GPD1: variants seen among roughly 807,000 people sequenced by gnomAD.
GPD1 encodes glycerol-3-phosphate dehydrogenase [NAD(+)], cytoplasmic.
In GPD1, 19 loss-of-function variants were observed where a neutral mutation model predicts 34.4. The observed-to-expected ratio is 0.55, with a 90% CI of 0.39 to 0.81. The LOEUF (loss-of-function observed/expected upper bound fraction) is 0.81, where lower values mean the gene tolerates loss of function less well. GPD1 is among the 30% of genes least tolerant of loss of function. The probability of loss-of-function intolerance (pLI) is 0.00; values close to 1 mark genes in which losing one functional copy is unlikely to be tolerated. For missense variants in GPD1, 429 were observed against 447.0 expected, an observed-to-expected ratio of 0.96 and a Z score of 0.36; for synonymous variants, 172 against 174.1, an observed-to-expected ratio of 0.99 and a Z score of 0.09.
intron 1 of GPD1, 119 bp from the exon 2 acceptor site, chr12:50,104,451 TAAGG>T (rs1185599609): frequency 1.3e-6 from 1 of 779,720 alleles, no homozygotes; most frequent in Non-Finnish European, 2.3e-6. Flanking sequence ...GTGGAGGTGA[TAAGG>T]AAGGTAGGTA....
chr12:50,106,496 C>T, intron 4 of GPD1, 70 bp downstream of exon 4: 3 of 1,363,162 alleles, frequency 2.2e-6, no homozygotes, highest in South Asian at 1.2e-5. Context: ...GCCCCAACCC[C>T]ACTTAGCCAT....
At chr12:50,108,785 C>T (rs1951001093) in intron 7 of GPD1, among the ~76,000 whole-genome samples, 1 of 152,152 alleles carries the variant, frequency 6.6e-6, no homozygotes, top group Admixed American at 6.6e-5. Flanking sequence ...CACAATCATT[C>T]CTTTGTTATA....
rs1240651049 is a variant in GPD1, at chr12:50,104,072, A to G, written c.22A>G (p.Ile8Val). The G allele has an allele frequency of 7.4e-6, 12 of 1,613,946 alleles. No individual in the cohort carries two copies. Among genetic ancestry groups the G allele is most frequent in the South Asian group, 1.1e-5 (1 of 91,090 alleles). The change falls in exon 1 of 8, where the codon ATT becomes GTT. Residue 8 changes from isoleucine (I) to valine (V), a missense_variant. Transcript: ENST00000301149. ...CACCATGGCTAGCAAGAAAGTCTGC[A>G]TTGTAGGCTCCGGGAACTGGTAAGC... is the stretch of plus-strand genomic sequence containing the variant. MASKKVCIVGSGNWGSAI... is the reference protein window; with the variant it reads MASKKVCVVGSGNWGSAI...
intron 7 of GPD1, 66 bp downstream of exon 7, chr12:50,108,196 A>G (rs1237939456): frequency 6.8e-6 from 6 of 880,126 alleles, no homozygotes; most frequent in Non-Finnish European, 1.1e-5. Context: ...CCTGTTCATC[A>G]TCTTCCTAAA....
chr12:50,104,230 A>G, intron 1 of GPD1, 139 bp downstream of exon 1: 4 of 868,376 alleles, frequency 4.6e-6, no homozygotes, highest in Non-Finnish European at 7.7e-6. Context: ...AGCACAGGAC[A>G]GACGGTGCCC....
chr12:50,107,911 C>A, intron 6 of GPD1, 111 bp downstream of exon 6: 1 of 1,015,672 alleles, frequency 9.8e-7, no homozygotes, highest in Non-Finnish European at 1.5e-6. Flanking sequence ...TGTGCACATC[C>A]CCATCCCTCT....
chr12:50,104,460 T>C (rs1565746321), intron 1 of GPD1, 114 bp from the exon 2 acceptor site: 2 of 809,870 alleles, frequency 2.5e-6, no homozygotes, highest in Non-Finnish European at 4.4e-6. Context: ...ATAAGGAAGG[T>C]AGGTAGGAGT....
At position 50,108,150 on chromosome 12, in the gene GPD1, C is replaced by G. The variant is rs1025395727; in HGVS notation, c.953+20C>G. On this transcript the variant is annotated intron_variant, in intron 7 of 7. Coordinates refer to ENST00000301149, the MANE Select transcript of GPD1 (RefSeq NM_005276.4). Reference sequence around the variant, plus strand: ...AGACAAGTAAGTATTGGCCACAGCCCCACTGATTAAGGGAGCCACAGCCAG... The same window carrying G: ...AGACAAGTAAGTATTGGCCACAGCCGCACTGATTAAGGGAGCCACAGCCAG... 7.2e-7 allele frequency: 1 copy of G among 1,383,230 alleles called. No homozygotes were observed. Among genetic ancestry groups the G allele is most frequent in the African/African-American group, 1.4e-5 (1 of 70,560 alleles). The allele number at this position is 1,383,230 out of a possible 1,614,324, so 85.7% of individuals were successfully genotyped here.
rs1306008828 is a variant in GPD1, at chr12:50,107,646, G to A, written c.692G>A (p.Gly231Glu). ...DNTKAAVIRL[G>E]LMEMIAFAKL... ...ACCAAGGCGGCAGTGATCCGGCTGG[G>A]ACTCATGGAGATGATAGCCTTCGCC... Residue 231 changes from glycine to glutamate, a missense_variant, in exon 6 of 8, where the codon GGA becomes GAA. Physicochemically the swap from Gly to Glu is moderately conservative, Grantham distance 98 (BLOSUM62 -2). Transcript: ENST00000301149. The A allele has an allele frequency of 6.2e-7, 1 of 1,614,144 alleles. No homozygotes were observed. Among genetic ancestry groups the A allele is most frequent in the Non-Finnish European group, 8.5e-7 (1 of 1,180,004 alleles).
At chr12:50,104,354 A>AG (rs750640193) in intron 1 of GPD1, 79 of 706,452 alleles carry the variant, frequency 1.1e-4, no homozygotes, top group Non-Finnish European at 1.8e-4. Context: ...GAAGATGAGA[A>AG]GTGGGGCTCC....
Position 50,111,239 on chromosome 12 carries a change from T to C in GPD1, c.*1720T>C, listed in dbSNP as rs949468279. On this transcript the variant is annotated 3_prime_UTR_variant, in exon 8 of 8. Coordinates refer to ENST00000301149, the MANE Select transcript of GPD1 (RefSeq NM_005276.4). The surrounding 1 kb of genome is among the most constrained non-coding windows in gnomAD (Gnocchi z 4.1). ...AAGCACTTTGCCTACTTTTGTTCAC[T>C]CCCCAGTGCACTGTGACTCAGGCCT... 1 of 152,196 alleles carries C rather than the reference T, an allele frequency of 6.6e-6. No individual in the cohort carries two copies. The highest frequency in any genetic ancestry group is 1.5e-5 in the Non-Finnish European group (1 of 68,046). 9.4% of individuals were successfully genotyped at this position (152,196 alleles called of 1,614,324 possible). A position where few individuals can be genotyped will look rare whatever the true frequency, so the allele number is the denominator to read the frequency against.
intron 7 of GPD1, 147 bp from the exon 8 acceptor site, chr12:50,109,276 A>G: frequency 3.2e-6 from 2 of 618,732 alleles, no homozygotes; most frequent in Admixed American, 4.9e-5. Flanking sequence ...GGGAGTTCAC[A>G]TTCTCAGAAG....
In GPD1 at chr12:50,106,438, CT is replaced by C. The variant is rs755385072; in HGVS notation, c.499+13del. ...TGAGACAACCATTGGTGAGAGCCCCCTGGCACCTGCATACACAGTGCATCTA... is the reference window on the plus strand; with the variant it reads ...TGAGACAACCATTGGTGAGAGCCCCCGGCACCTGCATACACAGTGCATCTA... On this transcript the variant is annotated intron_variant, in intron 4 of 7. Coordinates refer to ENST00000301149, the MANE Select transcript of GPD1 (RefSeq NM_005276.4). 3 of 1,612,560 alleles carry C rather than the reference CT, an allele frequency of 1.9e-6. No individual in the cohort carries two copies. Among genetic ancestry groups the C allele is most frequent in the Admixed American group, 1.7e-5 (1 of 59,908 alleles).
At chr12:50,104,258 C>T (rs1443598157) in intron 1 of GPD1, 167 bp downstream of exon 1, 45 of 737,978 alleles carry the variant, frequency 6.1e-5, no homozygotes, top group Non-Finnish European at 9.8e-5. Context: ...TCCTGACCCC[C>T]GCCCTCCTGG....
chr12:50,106,382 T>TG lies in GPD1; in HGVS notation c.455_456insG (p.Ile152MetfsTer7). On this transcript the variant is annotated frameshift_variant, in exon 4 of 8. Transcript: ENST00000301149. LOFTEE classifies it high-confidence loss of function. ...ATGAGTGTGCTGATGGGGGCCAACA[T>TG]TGCCAGCGAGGTGGCTGATGAGAAG... 6.2e-7 allele frequency: 1 copy of TG among 1,613,580 alleles called. No homozygotes were observed. The highest frequency in any genetic ancestry group is 1.1e-5 in the South Asian group (1 of 91,060).
rs144886178 is a variant in GPD1, at chr12:50,107,661, T to C, written c.707T>C (p.Ile236Thr). 166 of 1,613,978 alleles carry C rather than the reference T, an allele frequency of 1.0e-4. No homozygotes were observed. The highest frequency in any genetic ancestry group is 3.3e-4 in the African/African-American group (25 of 74,902). Reference protein sequence around the residue: ...AVIRLGLMEMIAFAKLFCSGP... With the variant: ...AVIRLGLMEMTAFAKLFCSGP... ...ATCCGGCTGGGACTCATGGAGATGA[T>C]AGCCTTCGCCAAGCTCTTCTGCAGT... The change falls in exon 6 of 8, where the codon ATA (isoleucine) becomes ACA (threonine). Residue 236 changes from isoleucine (I) to threonine (T), a missense_variant. Physicochemically the swap from Ile to Thr is moderately conservative, Grantham distance 89 (BLOSUM62 -1). Transcript: ENST00000301149.
intron 2 of GPD1, chr12:50,105,269 C>T (rs980327692): frequency 6.3e-6 from 3 of 475,496 alleles, no homozygotes; most frequent in South Asian, 3.1e-5. Context: ...TGCTTTTGGC[C>T]TCCCGCACTG....
In GPD1 at chr12:50,108,122, G is replaced by T; in HGVS notation, c.945G>T (p.Leu315=). 4 of 1,592,654 alleles carry T rather than the reference G, an allele frequency of 2.5e-6. No homozygotes were observed. The highest frequency in any genetic ancestry group is 1.1e-5 in the South Asian group (1 of 90,022). The change falls in exon 7 of 8, where the codon CTG becomes CTT. Residue 315 remains leucine (L), a synonymous_variant. Transcript: ENST00000301149. ...ACAGCATCCTCCAGCACAAGGGCCT[G>T]GTAGACAAGTAAGTATTGGCCACAG... The part of the protein sequence containing the change: ...ELYSILQHKG[L]VDKFPLFMAV...
Position 50,107,548 on chromosome 12 carries a change from T to G in GPD1, c.613-19T>G. 6.3e-7 allele frequency: 1 copy of G among 1,594,830 alleles called. No homozygotes were observed. The highest frequency in any genetic ancestry group is 8.6e-7 in the Non-Finnish European group (1 of 1,162,500). On this transcript the variant is annotated intron_variant, in intron 5 of 7. Coordinates refer to ENST00000301149, the MANE Select transcript of GPD1 (RefSeq NM_005276.4). ...ATAGGAGGGGGTCTTTTCTCACCTA[T>G]GACCTCCACTCCTTCAAGAATGTAG...
Sources: allele counts gnomAD v4.1 joint callset (sites outside exome capture counted in the v4.1 genomes callset), GRCh38; gene constraint gnomAD v4.1.1; non-coding constraint Gnocchi (gnomAD v3.1); transcripts MANE v1.5; gene names NCBI Gene and HGNC (gene_info 2026-07-23, HGNC 2026-07-21).